The following PLD5 variants were observed in gnomAD, a reference collection of about 807,000 sequenced individuals.
PLD5 encodes inactive phospholipase D5.
PLD5 carries 36 observed loss-of-function variants against 61.1 expected under a neutral mutation model. The observed-to-expected ratio is 0.59, with a 90% CI of 0.45 to 0.78. The LOEUF is 0.78. Ranked by LOEUF, PLD5 falls within the 30% of genes least tolerant of loss-of-function variation. The pLI is 0.00. For synonymous variants in PLD5, 243 were observed against 242.8 expected (o/e 1.00, Z -0.01); for missense variants, 515 against 644.4 (o/e 0.80, Z 2.17).
chr1:242,513,297 A>G (rs1490596693), intron 1 of PLD5, among the ~76,000 whole-genome samples: 4 of 152,118 alleles, frequency 2.6e-5, no homozygotes, highest in African/African-American at 4.8e-5. Flanking sequence ...ACATTCATTC[A>G]TTCGTTCACT....
At chr1:242,443,425 G>T (rs1482929151) in intron 1 of PLD5, among the ~76,000 whole-genome samples, 1 of 152,112 alleles carries the variant, frequency 6.6e-6, no homozygotes, top group African/African-American at 2.4e-5. Flanking sequence ...AAGGTGAACT[G>T]GTTGGTGGGT....
chr1:242,303,998 G>A (rs989252667), intron 2 of PLD5, among the ~76,000 whole-genome samples: 3 of 151,916 alleles, frequency 2.0e-5, no homozygotes, highest in African/African-American at 7.3e-5. Context: ...GTACCCCACC[G>A]ACACCAGCTA....
chr1:242,481,457 C>T (rs2102963024), intron 1 of PLD5, among the ~76,000 whole-genome samples: 1 of 152,336 alleles, frequency 6.6e-6, no homozygotes, highest in Middle Eastern at 3.4e-3. Context: ...GAGCCTCGCT[C>T]ATTGCTAGCA....
chr1:242,411,018 G>A (rs1455504529), intron 1 of PLD5, among the ~76,000 whole-genome samples: 1 of 151,988 alleles, frequency 6.6e-6, no homozygotes, highest in Non-Finnish European at 1.5e-5. Context: ...TCTCCAAGAT[G>A]GAAATTAGGC....
At chr1:242,373,959 A>G (rs1254173610) in intron 1 of PLD5, among the ~76,000 whole-genome samples, 1 of 93,674 alleles carries the variant, frequency 1.1e-5, no homozygotes, top group Non-Finnish European at 2.2e-5. Flanking sequence ...CTAGAACTTA[A>G]AGTATAATAA....
intron 3 of PLD5, among the ~76,000 whole-genome samples, chr1:242,269,003 C>T (rs1050823470): frequency 5.3e-5 from 8 of 151,942 alleles, no homozygotes; most frequent in African/African-American, 1.5e-4. Flanking sequence ...CCACCATGAT[C>T]GACTAATTTT....
chr1:242,397,148 C>A (rs12066762), intron 1 of PLD5, among the ~76,000 whole-genome samples: 2,417 of 152,106 alleles, frequency 0.016, 72 homozygotes, highest in African/African-American at 0.056. Context: ...TACCACTAAA[C>A]CCTGACAATT....
chr1:242,456,883 C>T (rs924750754), intron 1 of PLD5, among the ~76,000 whole-genome samples: 5 of 152,006 alleles, frequency 3.3e-5, no homozygotes, highest in African/African-American at 9.7e-5. Context: ...ACACTGCGTC[C>T]GTAACACTAT....
At chr1:242,455,915 G>A (rs1434827977) in intron 1 of PLD5, among the ~76,000 whole-genome samples, 4 of 152,354 alleles carry the variant, frequency 2.6e-5, no homozygotes, top group South Asian at 4.1e-4. Flanking sequence ...GGATAGAGCC[G>A]GGGTGGGGAC....
At chr1:242,090,203 C>A in intron 9 of PLD5, 93 bp from the exon 10 acceptor site, 1 of 1,478,792 alleles carries the variant, frequency 6.8e-7, no homozygotes, top group South Asian at 1.3e-5. Flanking sequence ...TATTAAAAAT[C>A]ATCAACATCC....
At chr1:242,165,289 T>C (rs922106919) in intron 5 of PLD5, among the ~76,000 whole-genome samples, 5 of 152,160 alleles carry the variant, frequency 3.3e-5, no homozygotes, top group African/African-American at 1.2e-4. Flanking sequence ...CAATGACCTT[T>C]TGCAAGAAAG....
chr1:242,120,609 C>T (rs1178842209), intron 6 of PLD5, among the ~76,000 whole-genome samples: 2 of 152,210 alleles, frequency 1.3e-5, no homozygotes, highest in Non-Finnish European at 2.9e-5. Flanking sequence ...TGTCAGCCCT[C>T]ACTCACTAAA....
intron 1 of PLD5, among the ~76,000 whole-genome samples, chr1:242,470,818 C>T (rs961022402): frequency 5.3e-5 from 8 of 152,222 alleles, no homozygotes. Context: ...TTTCCTGCCC[C>T]TGTCTTCTTT....
intron 5 of PLD5, among the ~76,000 whole-genome samples, chr1:242,206,773 A>T (rs1669341530): frequency 6.6e-6 from 1 of 152,216 alleles, no homozygotes; most frequent in Admixed American, 6.5e-5. Context: ...ATGGGTTGGC[A>T]TTCCTGCCTC....
At chr1:242,165,267 A>T (rs1364067878) in intron 5 of PLD5, among the ~76,000 whole-genome samples, 1 of 152,152 alleles carries the variant, frequency 6.6e-6, no homozygotes, top group Non-Finnish European at 1.5e-5. Context: ...TACTTTTACC[A>T]TCTTGAGATT....
intron 5 of PLD5, among the ~76,000 whole-genome samples, chr1:242,125,896 C>A (rs1288768763): frequency 6.6e-6 from 1 of 152,150 alleles, no homozygotes; most frequent in Non-Finnish European, 1.5e-5. Context: ...ATGGTAACCA[C>A]AGGATAGATG....
At chr1:242,405,159 C>G (rs549957319) in intron 1 of PLD5, among the ~76,000 whole-genome samples, 6 of 152,038 alleles carry the variant, frequency 3.9e-5, no homozygotes, top group African/African-American at 1.2e-4. Flanking sequence ...TGAGCCACCT[C>G]GCCTGGCCCT....
At chr1:242,439,266 T>C (rs1666160050) in intron 1 of PLD5, among the ~76,000 whole-genome samples, 1 of 152,204 alleles carries the variant, frequency 6.6e-6, no homozygotes, top group Non-Finnish European at 1.5e-5. Context: ...GGGGCTTTGT[T>C]CAACAAGGTC....
intron 1 of PLD5, 77 bp downstream of exon 1, chr1:242,524,011 G>A (rs780592230): frequency 9.4e-5 from 133 of 1,418,376 alleles, no homozygotes; most frequent in Non-Finnish European, 5.9e-5. Context: ...CGCCCCGCGC[G>A]CGCTCATGCC....
Sources: allele counts gnomAD v4.1 joint callset (sites outside exome capture counted in the v4.1 genomes callset), GRCh38; gene constraint gnomAD v4.1.1; transcripts MANE v1.5; gene names NCBI Gene and HGNC (gene_info 2026-07-23, HGNC 2026-07-21).